Variants in MAPK8 observed in about 807,000 individuals in gnomAD.
MAPK8 encodes the protein JUN N-terminal kinase.
Under a neutral mutation model 52.9 loss-of-function variants are expected in MAPK8, and 13 were observed. The ratio of observed to expected loss-of-function variants is 0.25; its 90% CI spans 0.16 to 0.39. The LOEUF (loss-of-function observed/expected upper bound fraction) is 0.39, where lower values mean the gene tolerates loss of function less well. Ranked by LOEUF, MAPK8 falls within the 10% of genes least tolerant of loss-of-function variation. MAPK8 has a pLI of 1.00. For missense variants in MAPK8, 300 were observed against 519.2 expected (o/e 0.58, Z 4.10); for synonymous variants, 191 against 169.8 (o/e 1.12, Z -0.97).
intron 1 of MAPK8, among the ~76,000 whole-genome samples, chr10:48,311,206 C>T (rs1301770688): frequency 6.6e-6 from 1 of 152,148 alleles, no homozygotes. Context: ...CTATTGTTAT[C>T]ACTTATATTT....
chr10:48,344,805 G>T (rs1461510388), intron 1 of MAPK8, among the ~76,000 whole-genome samples: 2 of 152,066 alleles, frequency 1.3e-5, no homozygotes, highest in Non-Finnish European at 2.9e-5. Context: ...ATTACAAAGA[G>T]ACAAGGAAAG....
At chr10:48,371,028 G>A (rs1043342734) in intron 1 of MAPK8, among the ~76,000 whole-genome samples, 2 of 152,084 alleles carry the variant, frequency 1.3e-5, no homozygotes, top group Non-Finnish European at 2.9e-5. Flanking sequence ...TGACCAAGCA[G>A]ATCACCGGAT....
Position 48,393,574 on chromosome 10 carries a change from C to G in MAPK8, c.-49-8038C>G, listed in dbSNP as rs548421026. On this transcript the variant is annotated intron_variant, in intron 1 of 11. Coordinates refer to ENST00000374189, the MANE Select transcript of MAPK8 (RefSeq NM_001323329.2). The stretch of plus-strand genomic sequence containing the variant: ...CTCTAGCTGTAAACAAATAGAAAAC[C>G]CTCCTAGGGTTGTTTTCAGTATTAA... Among the ~76,000 whole-genome samples the G allele has an allele frequency of 4.6e-4, 70 of 152,056 alleles. 1 individual carries two copies. The highest frequency in any genetic ancestry group is 2.1e-3 in the South Asian group (10 of 4,824).
chr10:48,306,963 G>GGCGGCGCGGGAACAATA (rs1462592705), intron 1 of MAPK8, 142 bp downstream of exon 1: 4 of 152,148 alleles, frequency 2.6e-5, no homozygotes, highest in African/African-American at 9.7e-5. Context: ...GGTGGGCGGG[G>GGCGGCGCGGGAACAATA]GCGGCGCGGG....
chr10:48,429,219 G>A (rs563541081), intron 10 of MAPK8, among the ~76,000 whole-genome samples: 1 of 152,230 alleles, frequency 6.6e-6, no homozygotes, highest in East Asian at 1.9e-4. Flanking sequence ...ACACCATTAT[G>A]TGCCACAAAG....
intron 1 of MAPK8, among the ~76,000 whole-genome samples, chr10:48,373,039 T>C (rs2040420564): frequency 6.6e-6 from 1 of 152,112 alleles, no homozygotes; most frequent in African/African-American, 2.4e-5. Flanking sequence ...TGAATCTCTT[T>C]GGCAGAAACC....
At chr10:48,339,784 C>T (rs1845060404) in intron 1 of MAPK8, among the ~76,000 whole-genome samples, 1 of 151,780 alleles carries the variant, frequency 6.6e-6, no homozygotes. Flanking sequence ...ATACGAGTGG[C>T]GAAAAAAGGT....
chr10:48,386,692 G>T (rs991328768), intron 1 of MAPK8, among the ~76,000 whole-genome samples: 2 of 152,102 alleles, frequency 1.3e-5, no homozygotes, highest in African/African-American at 4.8e-5. Context: ...GGCCAGGCAC[G>T]GTGGCTCACA....
At chr10:48,332,628 A>G (rs766729088) in intron 1 of MAPK8, among the ~76,000 whole-genome samples, 1 of 152,182 alleles carries the variant, frequency 6.6e-6, no homozygotes, top group Non-Finnish European at 1.5e-5. Flanking sequence ...TCCTCCAGGG[A>G]GGCTTGCTTA....
At chr10:48,307,265 G>T (rs1841461226) in intron 1 of MAPK8, 1 of 152,316 alleles carries the variant, frequency 6.6e-6, no homozygotes. Flanking sequence ...TCTGCCGGCA[G>T]GTCCCCAAGC....
chr10:48,350,453 G>C (rs1846201102), intron 1 of MAPK8, among the ~76,000 whole-genome samples: 1 of 152,200 alleles, frequency 6.6e-6, no homozygotes, highest in Non-Finnish European at 1.5e-5. Flanking sequence ...GGGATGCAAG[G>C]CTGTTTCAAC....
intron 5 of MAPK8, among the ~76,000 whole-genome samples, chr10:48,412,433 A>G (rs943492723): frequency 3.3e-5 from 5 of 152,206 alleles, no homozygotes; most frequent in African/African-American, 1.2e-4. Context: ...ATAGATTCAT[A>G]TCTTTTATCA....
intron 1 of MAPK8, among the ~76,000 whole-genome samples, chr10:48,357,187 A>G (rs958219175): frequency 2.0e-5 from 3 of 152,294 alleles, no homozygotes; most frequent in Middle Eastern, 3.4e-3. Context: ...CAGAGAATAC[A>G]CTGACATAAA....
chr10:48,383,406 C>G (rs899184167), intron 1 of MAPK8, among the ~76,000 whole-genome samples: 1 of 152,016 alleles, frequency 6.6e-6, no homozygotes, highest in East Asian at 1.9e-4. Flanking sequence ...CAAATGGGTA[C>G]CCTAAAGGGT....
At chr10:48,323,669 C>T (rs1843202322) in intron 1 of MAPK8, among the ~76,000 whole-genome samples, 1 of 152,108 alleles carries the variant, frequency 6.6e-6, no homozygotes, top group Non-Finnish European at 1.5e-5. Flanking sequence ...TTCAAAATTA[C>T]AAAGTTTTCC....
chr10:48,311,582 T>A (rs1290458809), intron 1 of MAPK8, among the ~76,000 whole-genome samples: 1 of 152,210 alleles, frequency 6.6e-6, no homozygotes, highest in African/African-American at 2.4e-5. Context: ...ATGTGACACA[T>A]TTGAAGAAAA....
rs975648543 is a variant in MAPK8, at chr10:48,437,259, A to C, written c.*2230A>C. The C allele has an allele frequency of 1.3e-5, 2 of 152,230 alleles. No individual in the cohort carries two copies. Among genetic ancestry groups the C allele is most frequent in the African/African-American group, 4.8e-5 (2 of 41,468 alleles). The allele number at this position is 152,230 out of a possible 1,614,324, so 9.4% of individuals were successfully genotyped here. The stretch of plus-strand genomic sequence containing the variant: ...TAAATGTTGCATGCCCTAGGTTTTA[A>C]ATTACTACATCCAAATACAGTTTTC... On this transcript the variant is annotated 3_prime_UTR_variant, in exon 12 of 12. Coordinates refer to ENST00000374189, the MANE Select transcript of MAPK8 (RefSeq NM_001323329.2).
At chr10:48,384,619 TA>T (rs1445065692) in intron 1 of MAPK8, among the ~76,000 whole-genome samples, 1 of 152,220 alleles carries the variant, frequency 6.6e-6, no homozygotes, top group Non-Finnish European at 1.5e-5. Flanking sequence ...GGGTTACCCC[TA>T]GGTTAAAGAC....
intron 6 of MAPK8, among the ~76,000 whole-genome samples, chr10:48,421,685 AT>A (rs1227613694): frequency 6.6e-6 from 1 of 152,124 alleles, no homozygotes; most frequent in Non-Finnish European, 1.5e-5. Context: ...CACACCTGTA[AT>A]CCCAGCTATT....
Sources: allele counts gnomAD v4.1 joint callset (sites outside exome capture counted in the v4.1 genomes callset), GRCh38; gene constraint gnomAD v4.1.1; transcripts MANE v1.5; gene names NCBI Gene and HGNC (gene_info 2026-07-23, HGNC 2026-07-21).